Variants in STAG1 observed in about 807,000 individuals in gnomAD.
STAG1 encodes cohesin subunit SA-1.
Under a neutral mutation model 170.9 loss-of-function variants are expected in STAG1, and 26 were observed. That is an observed-to-expected ratio of 0.15 (90% CI 0.11 to 0.21). The LOEUF is 0.21. Among genes scored for constraint, STAG1 ranks in the 10% least tolerant of loss-of-function variants. The pLI is 1.00. For synonymous variants in STAG1, 514 were observed against 497.7 expected, an observed-to-expected ratio of 1.03 and a Z score of -0.44; for missense variants, 964 against 1,509.5, an observed-to-expected ratio of 0.64 and a Z score of 5.99.
At chr3:136,609,708 A>C (rs905648718) in intron 3 of STAG1, 4 of 171,334 alleles carry the variant, frequency 2.3e-5, no homozygotes, top group Admixed American at 1.3e-4. Context: ...TAGATCTAGA[A>C]ACATTTTTAA....
At chr3:136,525,710 C>A (rs369683044) in intron 6 of STAG1, among the ~76,000 whole-genome samples, 3 of 152,182 alleles carry the variant, frequency 2.0e-5, no homozygotes, top group Non-Finnish European at 2.9e-5. Context: ...TTAGATCTTT[C>A]CTGCTTTCTC....
At chr3:136,372,769 T>C (rs1021736274) in intron 23 of STAG1, among the ~76,000 whole-genome samples, 2 of 152,212 alleles carry the variant, frequency 1.3e-5, no homozygotes, top group African/African-American at 4.8e-5. Context: ...ATTGAGCATT[T>C]TTGCATCAAT....
At chr3:136,585,018 T>C (rs1313113770) in intron 4 of STAG1, among the ~76,000 whole-genome samples, 1 of 152,262 alleles carries the variant, frequency 6.6e-6, no homozygotes, top group African/African-American at 2.4e-5. Context: ...AGATTACTAA[T>C]ATCTGGGTTA....
intron 3 of STAG1, among the ~76,000 whole-genome samples, chr3:136,620,727 G>C (rs1052487686): frequency 5.9e-5 from 9 of 152,148 alleles, no homozygotes; most frequent in African/African-American, 1.9e-4. Flanking sequence ...TAATTTGTGT[G>C]AATGTATAGA....
chr3:136,661,994 G>A (rs1052809715), intron 1 of STAG1, among the ~76,000 whole-genome samples: 22 of 152,120 alleles, frequency 1.4e-4, no homozygotes, highest in Admixed American at 6.6e-5. Flanking sequence ...CAAAGCAAAT[G>A]TAAGTAAATA....
chr3:136,488,047 T>TA (rs1202687163), intron 9 of STAG1, among the ~76,000 whole-genome samples: 1 of 152,242 alleles, frequency 6.6e-6, no homozygotes, highest in Non-Finnish European at 1.5e-5. Context: ...ATTGTAATCT[T>TA]ATGAGAGATC....
At chr3:136,436,961 T>A (rs2088479591) in intron 15 of STAG1, among the ~76,000 whole-genome samples, 1 of 152,258 alleles carries the variant, frequency 6.6e-6, no homozygotes, top group African/African-American at 2.4e-5. Context: ...AATGATCCAA[T>A]GCCTAGTAAT....
intron 1 of STAG1, among the ~76,000 whole-genome samples, chr3:136,667,426 A>G (rs1175065572): frequency 6.6e-6 from 1 of 152,218 alleles, no homozygotes; most frequent in Non-Finnish European, 1.5e-5. Context: ...AGACAGACAG[A>G]AAATGAAATA....
intron 7 of STAG1, among the ~76,000 whole-genome samples, chr3:136,514,933 G>T (rs577873689): frequency 6.6e-6 from 1 of 152,172 alleles, no homozygotes; most frequent in East Asian, 1.9e-4. Flanking sequence ...CAGGGGGAGG[G>T]ATAGCATTAG....
chr3:136,507,836 G>C (rs773944049), intron 7 of STAG1, among the ~76,000 whole-genome samples: 7 of 152,034 alleles, frequency 4.6e-5, no homozygotes, highest in Non-Finnish European at 1.0e-4. Context: ...TTGCAGTTTA[G>C]CTTTCTAAAA....
chr3:136,610,032 A>ATTTTATTTT lies in STAG1; in HGVS notation c.133-5560_133-5559insAAAATAAAA, dbSNP rs1559907671. Among the ~76,000 whole-genome samples, 3 of 151,886 alleles carry ATTTTATTTT rather than the reference A, an allele frequency of 2.0e-5. No homozygotes were observed. The South Asian group carries it at 6.2e-4, about 31-fold the overall frequency. ...CTATTGCATGTTTTTTTATAGCAGAATTTTCTTTTTTTTCTTTTTTTGAGA... is the reference window on the plus strand; with the variant it reads ...CTATTGCATGTTTTTTTATAGCAGAATTTTATTTTTTTTCTTTTTTTTCTTTTTTTGAGA... On this transcript the variant is annotated intron_variant, in intron 3 of 33. Coordinates refer to ENST00000383202, the MANE Select transcript of STAG1 (RefSeq NM_005862.3).
intron 5 of STAG1, among the ~76,000 whole-genome samples, chr3:136,548,839 A>G (rs959451773): frequency 4.6e-5 from 7 of 152,016 alleles, no homozygotes; most frequent in Admixed American, 3.3e-4. Context: ...ATGGGGATGG[A>G]TTTCCCTTTT....
chr3:136,479,008 T>A (rs188460966), intron 9 of STAG1, among the ~76,000 whole-genome samples: 3 of 151,634 alleles, frequency 2.0e-5, no homozygotes, highest in Non-Finnish European at 4.4e-5. Context: ...GACTTAGAAT[T>A]CTACCTGGCA....
intron 1 of STAG1, among the ~76,000 whole-genome samples, chr3:136,725,212 A>T (rs1933590599): frequency 6.6e-6 from 1 of 152,208 alleles, no homozygotes. Flanking sequence ...CCCTAAGCAA[A>T]TGAGTCACTC....
At chr3:136,442,589 T>C (rs890856590) in intron 15 of STAG1, among the ~76,000 whole-genome samples, 15 of 151,630 alleles carry the variant, frequency 9.9e-5, no homozygotes, top group African/African-American at 3.6e-4. Flanking sequence ...TTAAAGAAAA[T>C]GCAACAAAAG....
Position 136,408,813 on chromosome 3 carries a change from CAG to C in STAG1, c.2196+9070_2196+9071del, listed in dbSNP as rs147403630. Among the ~76,000 whole-genome samples, 1,130 of 151,916 alleles carry C rather than the reference CAG, an allele frequency of 7.4e-3. 20 individuals carry two copies. Among genetic ancestry groups the C allele is most frequent in the African/African-American group, 0.025 (1,043 of 41,440 alleles). On this transcript the variant is annotated intron_variant, in intron 21 of 33. Transcript: ENST00000383202. The stretch of plus-strand genomic sequence containing the variant: ...TGTCTTTTTGACTTAGAAGTCTAGA[CAG>C]ATAAAAAATGGATAGAAGAATACTA...
chr3:136,524,668 T>C (rs1436701179), intron 6 of STAG1, among the ~76,000 whole-genome samples: 1 of 152,216 alleles, frequency 6.6e-6, no homozygotes, highest in African/African-American at 2.4e-5. Context: ...ATCCCTGTCT[T>C]GTGCCAGTTT....
rs1934389284 is a variant in STAG1, at chr3:136,737,167, T to C, written c.-84+15028A>G. 3.9e-6 allele frequency: 3 copies of C among 760,138 alleles called. No homozygotes were observed. In the East Asian group the frequency reaches 7.7e-5, roughly 19 times the overall value. 47.1% of individuals were successfully genotyped at this position (760,138 alleles called of 1,614,324 possible). A position where few individuals can be genotyped will look rare whatever the true frequency, so the allele number is the denominator to read the frequency against. ...CTCTTCTCTATTTGTTTCACCTCAC[T>C]GTAGAAGGTCATAAATGCTGCCTCC... On this transcript the variant is annotated intron_variant, in intron 1 of 33. Coordinates refer to ENST00000383202, the MANE Select transcript of STAG1 (RefSeq NM_005862.3).
chr3:136,463,672 G>A (rs2089338585), intron 13 of STAG1, among the ~76,000 whole-genome samples: 1 of 147,920 alleles, frequency 6.8e-6, no homozygotes, highest in African/African-American at 2.5e-5. Context: ...CAGGCCAGGA[G>A]TTCAAGACCA....
Sources: gnomAD v4.1 joint callset for allele counts (sites outside exome capture counted in the v4.1 genomes callset) on GRCh38, gnomAD v4.1.1 for gene constraint, MANE v1.5 for transcripts, NCBI Gene and HGNC (gene_info 2026-07-23, HGNC 2026-07-21) for gene names.